The following ARHGAP42 variants were observed in gnomAD, a reference collection of about 807,000 sequenced individuals.
ARHGAP42 encodes the protein Rho GTPase activating protein 42.
Under a neutral mutation model 125.0 loss-of-function variants are expected in ARHGAP42, and 63 were observed. The observed-to-expected ratio is 0.50, with a 90% CI of 0.41 to 0.62. The LOEUF (loss-of-function observed/expected upper bound fraction) is 0.62. ARHGAP42 is among the 20% of genes least tolerant of loss of function. The pLI is 0.00. For synonymous variants in ARHGAP42, 339 were observed against 351.0 expected, an observed-to-expected ratio of 0.97 and a Z score of 0.38; for missense variants, 766 against 1,024.2, an observed-to-expected ratio of 0.75 and a Z score of 3.44.
chr11:100,692,160 G>C (rs903685581), intron 1 of ARHGAP42, among the ~76,000 whole-genome samples: 1 of 152,082 alleles, frequency 6.6e-6, no homozygotes, highest in African/African-American at 2.4e-5. Flanking sequence ...GCTGCAAATG[G>C]ACTGCTGTTT....
chr11:100,736,273 C>T (rs978120159), intron 1 of ARHGAP42, among the ~76,000 whole-genome samples: 3 of 151,492 alleles, frequency 2.0e-5, no homozygotes, highest in Admixed American at 6.6e-5. Flanking sequence ...CATTCTTTTA[C>T]ATCTCCGTTT....
intron 8 of ARHGAP42, among the ~76,000 whole-genome samples, chr11:100,939,672 C>T (rs1228269245): frequency 6.6e-6 from 1 of 152,130 alleles, no homozygotes; most frequent in Non-Finnish European, 1.5e-5. Flanking sequence ...AATTAAACAT[C>T]TTTTATTTTG....
At chr11:100,979,088 T>G in intron 22 of ARHGAP42, 39 bp downstream of exon 22, 1 of 1,539,222 alleles carries the variant, frequency 6.5e-7, no homozygotes, top group African/African-American at 1.4e-5. Flanking sequence ...TAAAAAAAAG[T>G]GGTGACATTG....
intron 3 of ARHGAP42, among the ~76,000 whole-genome samples, chr11:100,845,265 C>A (rs1865036962): frequency 6.6e-6 from 1 of 151,942 alleles, no homozygotes; most frequent in African/African-American, 2.4e-5. Flanking sequence ...AATCAAACAT[C>A]ATATAATCTC....
intron 12 of ARHGAP42, among the ~76,000 whole-genome samples, chr11:100,959,561 T>C (rs943262340): frequency 8.6e-5 from 13 of 152,036 alleles, no homozygotes; most frequent in Non-Finnish European, 1.8e-4. Flanking sequence ...ATAATAAGGA[T>C]TTATTCTTAC....
chr11:100,794,366 C>T (rs1233357365), intron 2 of ARHGAP42, among the ~76,000 whole-genome samples: 1 of 152,058 alleles, frequency 6.6e-6, no homozygotes, highest in African/African-American at 2.4e-5. Flanking sequence ...AATTGTTCTT[C>T]TTGTTCAATT....
Position 100,710,571 on chromosome 11 carries a change from G to A in ARHGAP42, c.154+22739G>A, listed in dbSNP as rs192797117. 6.4e-3 allele frequency among the ~76,000 whole-genome samples: 569 copies of A among 88,936 alleles called. 6 individuals are homozygous for A. Among genetic ancestry groups the A allele is most frequent in the African/African-American group, 0.03 (488 of 16,188 alleles). 58.3% of individuals were successfully genotyped at this position (88,936 alleles called of 152,430 possible). On this transcript the variant is annotated intron_variant, in intron 1 of 23. Coordinates refer to ENST00000298815, the MANE Select transcript of ARHGAP42 (RefSeq NM_152432.4). ...TTTTTTTTTTTTGAGACAGAGTCTC[G>A]CTCTGTCCCCAGGCTGGGGTGCAAA...
chr11:100,755,105 G>A (rs1054736439), intron 1 of ARHGAP42, among the ~76,000 whole-genome samples: 1 of 152,212 alleles, frequency 6.6e-6, no homozygotes, highest in Admixed American at 6.5e-5. Flanking sequence ...ATGGCAGGGG[G>A]TGTGGGTGGC....
intron 16 of ARHGAP42, among the ~76,000 whole-genome samples, chr11:100,963,646 T>C (rs1185632247): frequency 1.3e-5 from 2 of 152,224 alleles, no homozygotes; most frequent in Non-Finnish European, 2.9e-5. Flanking sequence ...TATTTAGTTT[T>C]CTCTTGAAGC....
intron 4 of ARHGAP42, among the ~76,000 whole-genome samples, chr11:100,903,782 T>G (rs1295093671): frequency 7.2e-6 from 1 of 138,826 alleles, no homozygotes; most frequent in African/African-American, 2.7e-5. Flanking sequence ...TTATTAAGTT[T>G]TAACTTACAC....
chr11:100,983,473 C>A (rs1858595594), intron 22 of ARHGAP42, among the ~76,000 whole-genome samples: 1 of 152,126 alleles, frequency 6.6e-6, no homozygotes, highest in African/African-American at 2.4e-5. Flanking sequence ...CCTTGACCAC[C>A]TTTTGAAAAC....
chr11:100,936,905 A>G (rs1867752514), intron 8 of ARHGAP42, among the ~76,000 whole-genome samples: 1 of 152,190 alleles, frequency 6.6e-6, no homozygotes, highest in African/African-American at 2.4e-5. Flanking sequence ...TTTTTTGTGC[A>G]TGTTACTTGT....
intron 12 of ARHGAP42, among the ~76,000 whole-genome samples, chr11:100,950,288 A>T (rs1351984268): frequency 2.7e-5 from 4 of 146,926 alleles, no homozygotes; most frequent in Non-Finnish European, 4.5e-5. Flanking sequence ...TATATATTAA[A>T]TATATTATAT....
At position 100,944,919 on chromosome 11, in the gene ARHGAP42, T is replaced by G. The variant is rs142313160; in HGVS notation, c.1043+1051T>G. ...TCTTAAAATGAGACAGCAATAAAGT[T>G]TGCCACATCAATTGAATCTTCATTT... On this transcript the variant is annotated intron_variant, in intron 10 of 23. Transcript: ENST00000298815. Among the ~76,000 whole-genome samples the G allele has an allele frequency of 1.4e-4, 22 of 152,088 alleles. No homozygotes were observed. In the East Asian group the frequency reaches 3.3e-3, roughly 23 times the overall value.
At chr11:100,932,567 T>C (rs1867616878) in intron 6 of ARHGAP42, among the ~76,000 whole-genome samples, 1 of 152,192 alleles carries the variant, frequency 6.6e-6, no homozygotes, top group Non-Finnish European at 1.5e-5. Context: ...AGATTTCACT[T>C]TCTCTGAAAT....
intron 4 of ARHGAP42, among the ~76,000 whole-genome samples, chr11:100,865,322 T>G (rs1486567880): frequency 6.6e-6 from 1 of 152,190 alleles, no homozygotes; most frequent in African/African-American, 2.4e-5. Flanking sequence ...TTCTGTCATG[T>G]GAAAAGTGAC....
chr11:100,888,577 ATGT>A (rs1432383444), intron 4 of ARHGAP42, among the ~76,000 whole-genome samples: 20 of 152,208 alleles, frequency 1.3e-4, no homozygotes, highest in African/African-American at 4.3e-4. Flanking sequence ...GTGTCAAACG[ATGT>A]TGTTATTCAA....
At chr11:100,795,190 A>G (rs1038744225) in intron 3 of ARHGAP42, 24 bp downstream of exon 3, 5 of 1,488,836 alleles carry the variant, frequency 3.4e-6, no homozygotes, top group African/African-American at 2.8e-5. Flanking sequence ...GTATTTCTTA[A>G]GAATATTGCT....
Position 100,965,789 on chromosome 11 carries a change from C to T in ARHGAP42, c.1550+13C>T. The T allele has an allele frequency of 1.3e-6, 2 of 1,535,530 alleles. No homozygotes were observed. Among genetic ancestry groups the T allele is most frequent in the South Asian group, 1.2e-5 (1 of 83,614 alleles). On this transcript the variant is annotated intron_variant, in intron 17 of 23. Transcript: ENST00000298815. ...AGCATCTGGTCAAGTAATTCTCTAACTTACATTGTTCATTTAACTTATTGT... is the reference window on the plus strand; with the variant it reads ...AGCATCTGGTCAAGTAATTCTCTAATTTACATTGTTCATTTAACTTATTGT...
Sources: gnomAD v4.1 joint callset for allele counts (sites outside exome capture counted in the v4.1 genomes callset) on GRCh38, gnomAD v4.1.1 for gene constraint, MANE v1.5 for transcripts, NCBI Gene and HGNC (gene_info 2026-07-23, HGNC 2026-07-21) for gene names.